Variants in SLC75A1 observed in about 807,000 individuals in gnomAD.
SLC75A1 encodes the protein major facilitator superfamily domain containing 10.
the SLC75A1 span, chr4:2,932,496 GC>G: frequency 6.2e-7 from 1 of 1,613,662 alleles, no homozygotes; most frequent in Non-Finnish European, 8.5e-7. Context: ...CAGTGAGAAG[GC>G]CACCCCAATG....
At chr4:2,932,977 G>T in the SLC75A1 span, 1 of 1,043,612 alleles carries the variant, frequency 9.6e-7, no homozygotes, top group Non-Finnish European at 1.4e-6. Flanking sequence ...ACCCCCTCCA[G>T]GATGCGATGA....
the SLC75A1 span, chr4:2,930,853 C>T: frequency 1.5e-5 from 24 of 1,613,054 alleles, no homozygotes; most frequent in South Asian, 4.4e-5. Context: ...CAGCCTTGAG[C>T]GTCTGTGCCG....
the SLC75A1 span, chr4:2,933,837 A>G: frequency 3.1e-6 from 5 of 1,590,828 alleles, no homozygotes; most frequent in Non-Finnish European, 4.3e-6. Context: ...GGAGGCCGAG[A>G]AAGACAACGG....
the SLC75A1 span, chr4:2,932,560 G>C: frequency 6.2e-7 from 1 of 1,612,424 alleles, no homozygotes. Flanking sequence ...AGGCCCAGAA[G>C]TCACCACCAG....
the SLC75A1 span, chr4:2,931,088 C>T: frequency 2.4e-5 from 39 of 1,597,140 alleles, no homozygotes; most frequent in Admixed American, 6.9e-5. Context: ...GGCCCCGCGG[C>T]CCTGGCCAGA....
At chr4:2,930,909 C>T in the SLC75A1 span, 9 of 1,612,946 alleles carry the variant, frequency 5.6e-6, no homozygotes, top group African/African-American at 5.3e-5. Context: ...AAAAAGAGCC[C>T]GGACCACGTG....
At chr4:2,931,827 A>G in the SLC75A1 span, 1 of 1,598,754 alleles carries the variant, frequency 6.3e-7, no homozygotes, top group Admixed American at 1.8e-5. Context: ...GGACCCACCT[A>G]CTGAACTGGA....
At chr4:2,933,594 TCTC>T in the SLC75A1 span, 11 of 1,613,500 alleles carry the variant, frequency 6.8e-6, no homozygotes, top group Non-Finnish European at 9.3e-6. Context: ...TTGTACCTCT[TCTC>T]CACTGGCATC....
the SLC75A1 span, chr4:2,933,797 G>C: frequency 6.3e-7 from 1 of 1,592,418 alleles, no homozygotes; most frequent in East Asian, 2.3e-5. Flanking sequence ...AGCAGGGGCA[G>C]CAGCAGCGTG....
chr4:2,933,316 G>A, the SLC75A1 span: 1 of 1,149,822 alleles, frequency 8.7e-7, no homozygotes, highest in Non-Finnish European at 1.3e-6. Context: ...AGTCATGCTG[G>A]GCCCTACACT....
the SLC75A1 span, chr4:2,932,534 C>T: frequency 2.5e-6 from 4 of 1,613,006 alleles, no homozygotes; most frequent in Admixed American, 6.7e-5. Context: ...ACCACCCGAG[C>T]TGCACAGGGA....
chr4:2,933,549 G>A, the SLC75A1 span: 1 of 1,612,904 alleles, frequency 6.2e-7, no homozygotes. Flanking sequence ...CCCGCCAAGG[G>A]CACAGAGCCA....
At chr4:2,932,085 G>C in the SLC75A1 span, 1 of 1,611,104 alleles carries the variant, frequency 6.2e-7, no homozygotes, top group East Asian at 2.2e-5. Flanking sequence ...CGACAGCCGA[G>C]AAGCGCAGCA....
At chr4:2,930,613 G>C in the SLC75A1 span, 33 of 591,486 alleles carry the variant, frequency 5.6e-5, no homozygotes, top group Non-Finnish European at 9.6e-5. Flanking sequence ...CTGGTGCATA[G>C]TTTAAAAAAC....
the SLC75A1 span, chr4:2,932,678 G>GCC: frequency 6.2e-7 from 1 of 1,610,544 alleles, no homozygotes; most frequent in South Asian, 1.1e-5. Flanking sequence ...CTTTGCTGAT[G>GCC]CCCCCAATCA....
the SLC75A1 span, chr4:2,932,717 C>T: frequency 6.3e-7 from 1 of 1,598,606 alleles, no homozygotes; most frequent in Middle Eastern, 1.7e-4. Flanking sequence ...CCGCAAAGCT[C>T]CGAGAGGTGG....
the SLC75A1 span, chr4:2,933,901 C>A: frequency 6.4e-7 from 1 of 1,568,546 alleles, no homozygotes; most frequent in Admixed American, 1.9e-5. Context: ...CGGGGTGCAG[C>A]CTCCACCCCC....
chr4:2,933,644 C>A, the SLC75A1 span: 1 of 1,613,862 alleles, frequency 6.2e-7, no homozygotes, highest in South Asian at 1.1e-5. Context: ...CCCGCCCTGC[C>A]AGGAGCCATA....
the SLC75A1 span, chr4:2,933,231 C>T: frequency 1.2e-6 from 2 of 1,607,286 alleles, no homozygotes; most frequent in East Asian, 4.5e-5. Flanking sequence ...ATGTCACCAT[C>T]ATGGGGCTGC....
Sources: allele counts gnomAD v4.1 joint callset, GRCh38; gene constraint gnomAD v4.1.1; transcripts MANE v1.5; gene names NCBI Gene and HGNC (gene_info 2026-07-23, HGNC 2026-07-21).